Variants in SRPK1 observed in about 807,000 individuals in gnomAD.
SRPK1 encodes SRSF protein kinase 1, also known as SFRS protein kinase 1.
Under a neutral mutation model 89.5 loss-of-function variants are expected in SRPK1, and 52 were observed. That is an observed-to-expected ratio of 0.58 (90% CI 0.46 to 0.73). The LOEUF (loss-of-function observed/expected upper bound fraction) is 0.73. Ranked by LOEUF, SRPK1 falls within the 30% of genes least tolerant of loss-of-function variation. The pLI, the probability that SRPK1 is intolerant of heterozygous loss-of-function variation, is 0.00. For missense variants in SRPK1, 603 were observed against 780.6 expected, an observed-to-expected ratio of 0.77 and a Z score of 2.71; for synonymous variants, 255 against 270.2, an observed-to-expected ratio of 0.94 and a Z score of 0.55.
rs1281142680 is a variant in SRPK1 at position 35,890,955 on chromosome 6, C to G, written c.133G>C (p.Glu45Gln). ...PHSESDLPEQ[E>Q]EEILGSDDDE... ...TCATCAGATCCCAGAATCTCCTCTT[C>G]CTGCTCTGGTAGATCACTCTCAGAG... Residue 45 changes from glutamate to glutamine, a missense_variant, in exon 3 of 16, where the codon GAA becomes CAA. By Grantham distance (29) the Glu-to-Gln change is conservative (BLOSUM62 2). Transcript: ENST00000373825. The G allele has an allele frequency of 1.3e-6, 2 of 1,554,432 alleles. No individual in the cohort carries two copies. The highest frequency in any genetic ancestry group is 1.7e-6 in the Non-Finnish European group (2 of 1,147,960).
chr6:35,894,909 A>G (rs1346026951), intron 2 of SRPK1, among the ~76,000 whole-genome samples: 1 of 152,210 alleles, frequency 6.6e-6, no homozygotes, highest in Non-Finnish European at 1.5e-5. Flanking sequence ...GATCCACAGG[A>G]TTCTGTTTTA....
chr6:35,877,593 A>G lies in SRPK1; in HGVS notation c.479-3254T>C, dbSNP rs556777694. Among the ~76,000 whole-genome samples the G allele has an allele frequency of 1.2e-4, 18 of 152,296 alleles. No individual in the cohort carries two copies. The South Asian group carries it at 3.1e-3, about 26-fold the overall frequency. On this transcript the variant is annotated intron_variant, in intron 6 of 15. Transcript: ENST00000373825. ...TGCAGTGGCTCATGGCTGTAATCCC[A>G]GCACTTTGGGAGGCCGAGGTGGGCG... is the stretch of plus-strand genomic sequence containing the variant.
In SRPK1 at chr6:35,835,164, G is replaced by T; in HGVS notation, c.*140C>A. ...CAGGGTCAAGTAAGCAAACCCAAAT[G>T]AACATGTTGGATTAAAAAAAAAACA... On this transcript the variant is annotated 3_prime_UTR_variant, in exon 16 of 16. Transcript: ENST00000373825. 1 of 810,428 alleles carries T rather than the reference G, an allele frequency of 1.2e-6. No homozygotes were observed. Among genetic ancestry groups the T allele is most frequent in the Non-Finnish European group, 1.9e-6 (1 of 537,394 alleles). 50.2% of individuals were successfully genotyped at this position (810,428 alleles called of 1,614,324 possible). A position where few individuals can be genotyped will look rare whatever the true frequency, so the allele number is the denominator to read the frequency against.
rs759364496 is a variant in SRPK1, at chr6:35,839,638, CCT to C, written c.1691-1211_1691-1210del. Among the ~76,000 whole-genome samples, 392 of 135,350 alleles carry C rather than the reference CCT, an allele frequency of 2.9e-3. 1 individual carries two copies. Among genetic ancestry groups the C allele is most frequent in the African/African-American group, 0.01 (369 of 36,584 alleles). The allele number at this position is 135,350 out of a possible 152,430, so 88.8% of individuals were successfully genotyped here. A position where few individuals can be genotyped will look rare whatever the true frequency, so the allele number is the denominator to read the frequency against. Reference sequence around the variant, plus strand: ...CCTCAGGTAGATCTACTGCCCCCCCCCTTTTTTTTTTCTCTCTGCAGGTGACA... The same window carrying C: ...CCTCAGGTAGATCTACTGCCCCCCCCTTTTTTTTTCTCTCTGCAGGTGACA... On this transcript the variant is annotated intron_variant, in intron 14 of 15. Transcript: ENST00000373825.
At chr6:35,843,757 G>C (rs900322330) in intron 13 of SRPK1, among the ~76,000 whole-genome samples, 1 of 151,702 alleles carries the variant, frequency 6.6e-6, no homozygotes, top group Non-Finnish European at 1.5e-5. Context: ...CCAATTCGTA[G>C]GTCTTTAGAA....
intron 14 of SRPK1, among the ~76,000 whole-genome samples, chr6:35,839,911 T>A (rs1769269193): frequency 6.6e-6 from 1 of 152,006 alleles, no homozygotes; most frequent in South Asian, 2.1e-4. Flanking sequence ...ACTCCTGACT[T>A]CAAGTGATCT....
chr6:35,851,180 T>G (rs999569917), intron 13 of SRPK1, among the ~76,000 whole-genome samples: 1 of 69,380 alleles, frequency 1.4e-5, no homozygotes, highest in Non-Finnish European at 3.2e-5. Flanking sequence ...TGGTATTGGA[T>G]TTTTTTTTTC....
intron 13 of SRPK1, among the ~76,000 whole-genome samples, chr6:35,852,665 T>A (rs1769579624): frequency 6.6e-6 from 1 of 152,270 alleles, no homozygotes; most frequent in African/African-American, 2.4e-5. Flanking sequence ...GCAGCTCAGA[T>A]TGGGAATTGG....
In SRPK1 at chr6:35,869,914, C is replaced by T. The variant is rs1315747856; in HGVS notation, c.992-13G>A. The stretch of plus-strand genomic sequence containing the variant: ...GTACTTGACTCTTCTAAGGAACAAA[C>T]GAACAAAAAAAGATATATGCATATG... On this transcript the variant is annotated splice_polypyrimidine_tract_variant and intron_variant, in intron 10 of 15. Coordinates refer to ENST00000373825, the MANE Select transcript of SRPK1 (RefSeq NM_003137.5). 8.5e-6 allele frequency: 13 copies of T among 1,527,550 alleles called. No individual in the cohort carries two copies. Among genetic ancestry groups the T allele is most frequent in the Admixed American group, 2.2e-5 (1 of 44,968 alleles). 94.6% of individuals were successfully genotyped at this position (1,527,550 alleles called of 1,614,324 possible).
chr6:35,851,571 G>A (rs953426046), intron 13 of SRPK1, among the ~76,000 whole-genome samples: 1 of 152,170 alleles, frequency 6.6e-6, no homozygotes, highest in Admixed American at 6.5e-5. Context: ...AAAAGGTTCA[G>A]GTTCTAAGCT....
chr6:35,843,616 A>G (rs983116598), intron 13 of SRPK1, among the ~76,000 whole-genome samples: 3 of 151,942 alleles, frequency 2.0e-5, no homozygotes, highest in East Asian at 3.9e-4. Flanking sequence ...ACGCCCAGCT[A>G]ATTTTTGTAT....
intron 2 of SRPK1, chr6:35,904,965 G>C: frequency 2.2e-6 from 1 of 446,392 alleles, no homozygotes; most frequent in Non-Finnish European, 4.5e-6. Context: ...AGTACAGCAA[G>C]ACTCCATCTC....
At chr6:35,855,846 T>C (rs1286566904) in intron 13 of SRPK1, among the ~76,000 whole-genome samples, 1 of 152,228 alleles carries the variant, frequency 6.6e-6, no homozygotes, top group Non-Finnish European at 1.5e-5. Flanking sequence ...GCGATTCTCC[T>C]GCCTCAGCCT....
intron 2 of SRPK1, among the ~76,000 whole-genome samples, chr6:35,891,793 T>G (rs1407597646): frequency 6.6e-6 from 1 of 152,166 alleles, no homozygotes; most frequent in African/African-American, 2.4e-5. Flanking sequence ...TTTGGCACAT[T>G]CTGCTCAGCT....
chr6:35,850,908 G>A (rs970731090), intron 13 of SRPK1, among the ~76,000 whole-genome samples: 82 of 152,268 alleles, frequency 5.4e-4, no homozygotes, highest in African/African-American at 1.9e-3. Flanking sequence ...ACATCCAAAG[G>A]TCCAAGGTAA....
chr6:35,833,930 A>G lies in SRPK1; in HGVS notation c.*1374T>C, dbSNP rs1366392907. The G allele has an allele frequency of 6.8e-6, 1 of 147,946 alleles. No individual in the cohort carries two copies. The highest frequency in any genetic ancestry group is 1.5e-5 in the Non-Finnish European group (1 of 67,030). The allele number at this position is 147,946 out of a possible 1,614,324, so 9.2% of individuals were successfully genotyped here. Reference sequence around the variant, plus strand: ...TGCTGAAGAAGCGGCTGTGACCCCAATCCTGCCTCTCTTTTGCTCTTCAGT... The same window carrying G: ...TGCTGAAGAAGCGGCTGTGACCCCAGTCCTGCCTCTCTTTTGCTCTTCAGT... On this transcript the variant is annotated 3_prime_UTR_variant, in exon 16 of 16. Transcript: ENST00000373825.
rs1243708877 is a variant in SRPK1, at chr6:35,868,975, C to A, written c.1512+35G>T. On this transcript the variant is annotated intron_variant, in intron 12 of 15. Coordinates refer to ENST00000373825, the MANE Select transcript of SRPK1 (RefSeq NM_003137.5). ...CCAAATTCTCATTCATCCTCCCAGTCACTTCAAAACACCATTAAGGCAAGT... is the reference window on the plus strand; with the variant it reads ...CCAAATTCTCATTCATCCTCCCAGTAACTTCAAAACACCATTAAGGCAAGT... The A allele has an allele frequency of 1.9e-6, 3 of 1,542,928 alleles. No homozygotes were observed. The South Asian group carries it at 3.4e-5, about 18-fold the overall frequency.
In SRPK1 at chr6:35,888,025, G is replaced by A. The variant is rs1770445902; in HGVS notation, c.389C>T (p.Ser130Leu). The A allele has an allele frequency of 3.1e-6, 5 of 1,597,244 alleles. No individual in the cohort carries two copies. Among genetic ancestry groups the A allele is most frequent in the Non-Finnish European group, 4.3e-6 (5 of 1,173,922 alleles). ...TCATACATATAATCTAATACTCACTGACTTCAGCAACCGGATTTCATCTAG... is the reference window on the plus strand; with the variant it reads ...TCATACATATAATCTAATACTCACTAACTTCAGCAACCGGATTTCATCTAG... ...TALDEIRLLK[S>L]VRNSDPNDPN... Residue 130 changes from serine to leucine, a missense_variant and splice_region_variant, in exon 5 of 16, where the codon TCA (serine) becomes TTA (leucine). By Grantham distance (145) the Ser-to-Leu change is moderately radical. Coordinates refer to ENST00000373825, the MANE Select transcript of SRPK1 (RefSeq NM_003137.5).
In SRPK1 at chr6:35,888,842, G is replaced by A; in HGVS notation, c.275C>T (p.Ser92Leu). The change falls in exon 4 of 16, where the codon TCA becomes TTA. Residue 92 changes from serine (S) to leucine (L), a missense_variant. Ser to Leu is a moderately radical substitution (Grantham distance 145, BLOSUM62 -2). Transcript: ENST00000373825. ...VIRKLGWGHF[S>L]TVWLSWDIQG... The stretch of plus-strand genomic sequence containing the variant: ...AATATCCCATGATAACCATACTGTT[G>A]AAAAGTGTCCCCAGCCTAACTTTCG... 6.2e-7 allele frequency: 1 copy of A among 1,612,212 alleles called. No homozygotes were observed. Among genetic ancestry groups the A allele is most frequent in the Non-Finnish European group, 8.5e-7 (1 of 1,178,488 alleles).
Sources: gnomAD v4.1 joint callset for allele counts (sites outside exome capture counted in the v4.1 genomes callset) on GRCh38, gnomAD v4.1.1 for gene constraint, MANE v1.5 for transcripts, NCBI Gene and HGNC (gene_info 2026-07-23, HGNC 2026-07-21) for gene names.